Variants in CDK13 observed in about 807,000 individuals in gnomAD.
CDK13 encodes cyclin dependent kinase 13, also known as cyclin-dependent kinase 13.
In CDK13, 40 loss-of-function variants were observed where a neutral mutation model predicts 137.6. That is an observed-to-expected ratio of 0.29 (90% CI 0.23 to 0.38). The LOEUF (loss-of-function observed/expected upper bound fraction) is 0.38, where lower values mean the gene tolerates loss of function less well. CDK13 is among the 10% of genes least tolerant of loss of function. CDK13 has a pLI of 1.00. For synonymous variants in CDK13, 869 were observed against 760.1 expected (o/e 1.14, Z -2.36); for missense variants, 1,704 against 1,951.8 (o/e 0.87, Z 2.39).
intron 1 of CDK13, among the ~76,000 whole-genome samples, chr7:39,959,218 A>G (rs565597129): frequency 3.6e-4 from 55 of 151,452 alleles, no homozygotes; most frequent in Non-Finnish European, 7.4e-4. Context: ...CCAGGCTGGA[A>G]TGGTGCGATC....
At chr7:40,053,626 A>G (rs1418159606) in intron 7 of CDK13, among the ~76,000 whole-genome samples, 2 of 151,972 alleles carry the variant, frequency 1.3e-5, no homozygotes, top group African/African-American at 2.4e-5. Flanking sequence ...TTCAGGCCCT[A>G]CCGCCTTTGA....
chr7:39,970,547 G>C (rs968653710), intron 1 of CDK13, among the ~76,000 whole-genome samples: 3 of 150,656 alleles, frequency 2.0e-5, no homozygotes, highest in East Asian at 3.9e-4. Flanking sequence ...TGCAACCTCC[G>C]CCTCCCAGGT....
At chr7:40,077,084 A>G (rs1410220558) in intron 9 of CDK13, among the ~76,000 whole-genome samples, 1 of 152,250 alleles carries the variant, frequency 6.6e-6, no homozygotes, top group Non-Finnish European at 1.5e-5. Flanking sequence ...TAATGCTAAA[A>G]TAATGAGGAT....
intron 1 of CDK13, 37 bp from the exon 2 acceptor site, chr7:39,987,562 C>T (rs749504122): frequency 1.3e-6 from 2 of 1,505,920 alleles, no homozygotes; most frequent in South Asian, 2.8e-5. Context: ...CTGAACCTTT[C>T]TCAATTACTG....
intron 2 of CDK13, among the ~76,000 whole-genome samples, chr7:39,993,733 G>A (rs568624903): frequency 6.6e-6 from 1 of 151,928 alleles, no homozygotes; most frequent in African/African-American, 2.4e-5. Flanking sequence ...TGGATACTTA[G>A]GTTTATAATT....
chr7:40,005,433 G>A (rs1289719455), intron 5 of CDK13, among the ~76,000 whole-genome samples: 1 of 151,608 alleles, frequency 6.6e-6, no homozygotes, highest in Non-Finnish European at 1.5e-5. Context: ...AGCATTACAG[G>A]TGTGTGTCAC....
intron 5 of CDK13, among the ~76,000 whole-genome samples, chr7:40,045,299 A>G (rs1016331578): frequency 6.6e-6 from 1 of 152,154 alleles, no homozygotes; most frequent in Non-Finnish European, 1.5e-5. Flanking sequence ...TATAAAATAA[A>G]GTTGTAATTT....
chr7:40,055,156 CTGTGTGTGTGTGTGTGTGTG>C (rs56001601), intron 7 of CDK13, among the ~76,000 whole-genome samples: 1 of 140,338 alleles, frequency 7.1e-6, no homozygotes, highest in Non-Finnish European at 1.5e-5. Context: ...GGCAGAAGGA[CTGTGTGTGTGTGTGTGTGTG>C]TGTGTGTGTG....
At chr7:40,038,609 T>TA (rs1416995612) in intron 5 of CDK13, among the ~76,000 whole-genome samples, 1 of 152,226 alleles carries the variant, frequency 6.6e-6, no homozygotes, top group African/African-American at 2.4e-5. Flanking sequence ...AAGTGTTTCT[T>TA]ACAGCTTTGT....
chr7:40,030,124 G>A (rs1283292980), intron 5 of CDK13, among the ~76,000 whole-genome samples: 3 of 152,038 alleles, frequency 2.0e-5, no homozygotes, highest in Admixed American at 1.3e-4. Context: ...CTAACCATGT[G>A]GGGAGAGTAT....
intron 5 of CDK13, among the ~76,000 whole-genome samples, chr7:40,020,424 T>C (rs1785092621): frequency 6.6e-6 from 1 of 152,178 alleles, no homozygotes; most frequent in Non-Finnish European, 1.5e-5. Context: ...CAACCAGGAT[T>C]CCTTTATTGC....
intron 11 of CDK13, among the ~76,000 whole-genome samples, chr7:40,087,029 C>T (rs1247237537): frequency 6.6e-6 from 1 of 152,004 alleles, no homozygotes. Context: ...TGGTGAACTC[C>T]TGAGCTCAAG....
intron 5 of CDK13, among the ~76,000 whole-genome samples, chr7:40,043,806 T>TGA (rs1785669138): frequency 6.7e-6 from 1 of 149,822 alleles, no homozygotes; most frequent in East Asian, 1.9e-4. Context: ...CCAGTCTGGG[T>TGA]GACAGAGTGA....
intron 11 of CDK13, among the ~76,000 whole-genome samples, chr7:40,086,512 AG>A (rs1786790889): frequency 6.6e-6 from 1 of 152,186 alleles, no homozygotes; most frequent in South Asian, 2.1e-4. Flanking sequence ...AATTAGGGTA[AG>A]AAGAAAGCAT....
intron 5 of CDK13, among the ~76,000 whole-genome samples, chr7:40,018,774 CAG>C (rs1347344299): frequency 6.6e-6 from 1 of 151,994 alleles, no homozygotes; most frequent in Non-Finnish European, 1.5e-5. Context: ...GAGTGGGAGG[CAG>C]GGTACAGTGT....
intron 9 of CDK13, among the ~76,000 whole-genome samples, chr7:40,073,846 T>C (rs1385139477): frequency 6.6e-6 from 1 of 151,584 alleles, no homozygotes; most frequent in East Asian, 1.9e-4. Context: ...CACCTCAGCC[T>C]CCTAAAGTGC....
intron 11 of CDK13, among the ~76,000 whole-genome samples, chr7:40,085,954 C>A (rs948871161): frequency 3.9e-5 from 6 of 152,116 alleles, no homozygotes; most frequent in Non-Finnish European, 5.9e-5. Flanking sequence ...ATTACCCCTA[C>A]CCCCACCAAC....
Position 39,988,263 on chromosome 7 carries a change from G to A in CDK13, c.1871+5G>A. On this transcript the variant is annotated splice_donor_5th_base_variant and intron_variant, in intron 2 of 13. Transcript: ENST00000181839. ...TGAAGATAAAGAAGCTGATAGGTAA[G>A]TGCAAAAAGTATTTGTCAATAACTG... The A allele has an allele frequency of 6.3e-7, 1 of 1,580,962 alleles. No individual in the cohort carries two copies. The highest frequency in any genetic ancestry group is 8.6e-7 in the Non-Finnish European group (1 of 1,169,168).
chr7:40,050,814 T>C (rs1303252078), intron 7 of CDK13, among the ~76,000 whole-genome samples: 3 of 152,130 alleles, frequency 2.0e-5, no homozygotes, highest in African/African-American at 7.2e-5. Flanking sequence ...TTAATATAAG[T>C]TTGTGTCTGT....
Sources: gnomAD v4.1 joint callset for allele counts (sites outside exome capture counted in the v4.1 genomes callset) on GRCh38, gnomAD v4.1.1 for gene constraint, MANE v1.5 for transcripts, NCBI Gene and HGNC (gene_info 2026-07-23, HGNC 2026-07-21) for gene names.